FHOD3: variants seen among roughly 807,000 people sequenced by gnomAD.
FHOD3 encodes the protein FH1/FH2 domain-containing protein 3.
In FHOD3, 90 loss-of-function variants were observed where a neutral mutation model predicts 173.0. The observed-to-expected ratio is 0.52, with a 90% CI of 0.44 to 0.62. The LOEUF (loss-of-function observed/expected upper bound fraction) is 0.62. Among genes scored for constraint, FHOD3 ranks in the 20% least tolerant of loss-of-function variants. The pLI, the probability that FHOD3 is intolerant of heterozygous loss-of-function variation, is 0.00. For missense variants in FHOD3, 1,945 were observed against 2,034.7 expected (o/e 0.96, Z 0.85); for synonymous variants, 828 against 823.0 (o/e 1.01, Z -0.10).
intron 14 of FHOD3, among the ~76,000 whole-genome samples, chr18:36,671,757 A>G (rs888956242): frequency 6.6e-6 from 1 of 152,184 alleles, no homozygotes; most frequent in Non-Finnish European, 1.5e-5. Flanking sequence ...GTGTGTATTG[A>G]TGGCACTCAG....
intron 17 of FHOD3, among the ~76,000 whole-genome samples, chr18:36,707,758 C>A (rs1316912770): frequency 1.3e-5 from 2 of 152,194 alleles, no homozygotes; most frequent in Non-Finnish European, 2.9e-5. Context: ...AGGATGCCTC[C>A]ACAGAGAGCT....
In FHOD3 at chr18:36,594,772, T is replaced by C; in HGVS notation, c.607-15T>C. Reference sequence around the variant, plus strand: ...CTTGTTGGCAGTGATGTGATGGTTTTATCTCTTCTGCCAGTTCCGCCTGGT... The same window carrying C: ...CTTGTTGGCAGTGATGTGATGGTTTCATCTCTTCTGCCAGTTCCGCCTGGT... On this transcript the variant is annotated splice_polypyrimidine_tract_variant and intron_variant, in intron 6 of 28. Coordinates refer to ENST00000590592, the MANE Select transcript of FHOD3 (RefSeq NM_001281740.3). 6.2e-7 allele frequency: 1 copy of C among 1,602,268 alleles called. No homozygotes were observed. The highest frequency in any genetic ancestry group is 8.5e-7 in the Non-Finnish European group (1 of 1,170,580).
chr18:36,464,395 G>A (rs2052779132), intron 3 of FHOD3, among the ~76,000 whole-genome samples: 1 of 152,160 alleles, frequency 6.6e-6, no homozygotes, highest in African/African-American at 2.4e-5. Context: ...GTGCAGCGGG[G>A]CAGACCTCTG....
intron 5 of FHOD3, among the ~76,000 whole-genome samples, chr18:36,566,593 G>T (rs889975250): frequency 1.3e-5 from 2 of 152,170 alleles, no homozygotes; most frequent in African/African-American, 4.8e-5. Flanking sequence ...TTCAGCTGAA[G>T]TATTTCATGC....
chr18:36,608,108 G>A (rs1324998386), intron 8 of FHOD3, among the ~76,000 whole-genome samples: 4 of 152,042 alleles, frequency 2.6e-5, no homozygotes, highest in Admixed American at 6.6e-5. Flanking sequence ...CTGCTTTCAC[G>A]TTTTCAGTTA....
chr18:36,491,599 A>G (rs920357576), intron 3 of FHOD3, among the ~76,000 whole-genome samples: 16 of 152,150 alleles, frequency 1.1e-4, no homozygotes, highest in African/African-American at 3.6e-4. Flanking sequence ...ACCCCAGGCA[A>G]CCACTGATCT....
chr18:36,510,464 C>T (rs915766454), intron 4 of FHOD3, among the ~76,000 whole-genome samples: 11 of 152,156 alleles, frequency 7.2e-5, no homozygotes, highest in Non-Finnish European at 4.4e-5. Flanking sequence ...AACACTGTCT[C>T]GCCTGTCCAG....
intron 10 of FHOD3, among the ~76,000 whole-genome samples, chr18:36,643,438 T>TG (rs1297630904): frequency 6.6e-6 from 1 of 152,068 alleles, no homozygotes; most frequent in African/African-American, 2.4e-5. Context: ...CCCCTGGGGT[T>TG]GGGGGCAGAA....
intron 1 of FHOD3, among the ~76,000 whole-genome samples, chr18:36,316,784 A>G (rs1168208822): frequency 6.6e-6 from 1 of 152,198 alleles, no homozygotes; most frequent in Admixed American, 6.5e-5. Flanking sequence ...CAGGTTTGTT[A>G]CATAGGTATA....
chr18:36,619,830 G>A (rs1408694895), intron 9 of FHOD3, among the ~76,000 whole-genome samples: 1 of 152,234 alleles, frequency 6.6e-6, no homozygotes, highest in African/African-American at 2.4e-5. Flanking sequence ...GGGCCAGAAA[G>A]AGGGGCAGCA....
intron 3 of FHOD3, among the ~76,000 whole-genome samples, chr18:36,478,143 G>A (rs1454054884): frequency 6.6e-6 from 1 of 152,150 alleles, no homozygotes; most frequent in Admixed American, 6.5e-5. Context: ...GCAGTAATTG[G>A]TTGTTGTAAT....
At chr18:36,350,759 T>A (rs748025121) in intron 1 of FHOD3, among the ~76,000 whole-genome samples, 3 of 152,228 alleles carry the variant, frequency 2.0e-5, no homozygotes, top group Non-Finnish European at 4.4e-5. Flanking sequence ...TCTGTCTAAA[T>A]CTGTGTAATA....
chr18:36,356,256 AT>A (rs1485111526), intron 2 of FHOD3, among the ~76,000 whole-genome samples: 1 of 152,254 alleles, frequency 6.6e-6, no homozygotes, highest in Non-Finnish European at 1.5e-5. Context: ...TGTGGAAAAA[AT>A]AATTATTAAT....
Position 36,636,656 on chromosome 18 carries a change from GTT to G in FHOD3, c.1196+10921_1196+10922del, listed in dbSNP as rs34551927. The stretch of plus-strand genomic sequence containing the variant: ...CCAGATAAATAATTTCATTCCTGAG[GTT>G]TTTTTTTTTTTTTCCAGCCATGTGG... On this transcript the variant is annotated intron_variant, in intron 10 of 28. Coordinates refer to ENST00000590592, the MANE Select transcript of FHOD3 (RefSeq NM_001281740.3). Among the ~76,000 whole-genome samples the G allele has an allele frequency of 2.1e-5, 3 of 142,010 alleles. 1 individual carries two copies. The South Asian group carries it at 7.0e-4, about 33-fold the overall frequency. The allele number at this position is 142,010 out of a possible 152,430, so 93.2% of individuals were successfully genotyped here. A position where few individuals can be genotyped will look rare whatever the true frequency, so the allele number is the denominator to read the frequency against.
At chr18:36,536,191 A>G (rs2056984803) in intron 5 of FHOD3, among the ~76,000 whole-genome samples, 1 of 152,198 alleles carries the variant, frequency 6.6e-6, no homozygotes, top group Non-Finnish European at 1.5e-5. Context: ...TGGTTTACCA[A>G]CCCTTGATTA....
At chr18:36,336,492 A>G (rs1371443069) in intron 1 of FHOD3, among the ~76,000 whole-genome samples, 1 of 152,188 alleles carries the variant, frequency 6.6e-6, no homozygotes, top group African/African-American at 2.4e-5. Context: ...CTCACTAGAA[A>G]ATAGACTATG....
intron 6 of FHOD3, among the ~76,000 whole-genome samples, chr18:36,582,903 G>A (rs1037898611): frequency 2.6e-5 from 4 of 152,142 alleles, no homozygotes; most frequent in African/African-American, 4.8e-5. Flanking sequence ...TCCATTCTGC[G>A]TGTCTGCGAT....
rs541476238 is a variant in FHOD3 at position 36,372,174 on chromosome 18, G to C, written c.273-506G>C. Among the ~76,000 whole-genome samples the C allele has an allele frequency of 3.3e-5, 5 of 152,288 alleles. No homozygotes were observed. The East Asian group carries it at 7.7e-4, about 24-fold the overall frequency. On this transcript the variant is annotated intron_variant, in intron 2 of 28. Transcript: ENST00000590592. ...AGTAGTCTGTAAGCCTTCTTTTGTA[G>C]ATTCCCATTTTCCTGTAAAAGTACA...
intron 8 of FHOD3, among the ~76,000 whole-genome samples, chr18:36,604,121 C>A (rs535362655): frequency 1.2e-3 from 186 of 152,256 alleles, no homozygotes; most frequent in Non-Finnish European, 2.4e-3. Flanking sequence ...CAGAACAGGC[C>A]CAGTCTCAGG....
Sources: gnomAD v4.1 joint callset for allele counts (sites outside exome capture counted in the v4.1 genomes callset) on GRCh38, gnomAD v4.1.1 for gene constraint, MANE v1.5 for transcripts, NCBI Gene and HGNC (gene_info 2026-07-23, HGNC 2026-07-21) for gene names.